The following LRRC61 variants were observed in gnomAD, a reference collection of about 807,000 sequenced individuals.
LRRC61 encodes the protein leucine rich repeat containing 61.
A neutral mutation model predicts 15.1 loss-of-function variants in LRRC61; 9 were observed. The ratio of observed to expected loss-of-function variants is 0.60; its 90% CI spans 0.36 to 1.04. The LOEUF (loss-of-function observed/expected upper bound fraction) is 1.04, where lower values mean the gene tolerates loss of function less well. LRRC61 is among the 50% of genes least tolerant of loss of function. LRRC61 has a pLI of 0.01. For synonymous variants in LRRC61, 173 were observed against 158.6 expected (o/e 1.09, Z -0.68); for missense variants, 344 against 335.6 (o/e 1.03, Z -0.20).
Position 150,336,716 on chromosome 7 carries a change from A to T in LRRC61, c.-144-2A>T. On this transcript the variant is annotated splice_acceptor_variant, in intron 2 of 2. Coordinates refer to ENST00000359623, the MANE Select transcript of LRRC61 (RefSeq NM_001142928.2). LOFTEE classifies it low-confidence loss of function (5UTR_SPLICE). ...GCCTGCTGACTGACTGTCTCTCCTC[A>T]GGGACTGGCTGGCTTCGAGCAGGGC... 1.9e-6 allele frequency: 2 copies of T among 1,068,210 alleles called. No homozygotes were observed. The highest frequency in any genetic ancestry group is 1.3e-6 in the Non-Finnish European group (1 of 744,916). 66.2% of individuals were successfully genotyped at this position (1,068,210 alleles called of 1,614,324 possible).
intron 1 of LRRC61, among the ~76,000 whole-genome samples, chr7:150,324,030 T>A (rs1457634841): frequency 6.6e-6 from 1 of 152,246 alleles, no homozygotes; most frequent in Admixed American, 6.5e-5. Flanking sequence ...AACATCTTGC[T>A]TAGACTTTAT....
chr7:150,313,777 T>A, the LRRC61 span, among the ~76,000 whole-genome samples: 2 of 152,114 alleles, frequency 1.3e-5, no homozygotes, highest in African/African-American at 4.8e-5. Context: ...GTGTTATGGA[T>A]ACACACATAC....
chr7:150,312,613 T>G, the LRRC61 span, among the ~76,000 whole-genome samples: 2 of 152,206 alleles, frequency 1.3e-5, no homozygotes, highest in African/African-American at 4.8e-5. Flanking sequence ...TGGCACCTTG[T>G]TAGCTACATA....
At chr7:150,332,085 A>C (rs1388606407) in intron 2 of LRRC61, 1 of 167,068 alleles carries the variant, frequency 6.0e-6, no homozygotes, top group African/African-American at 2.4e-5. Flanking sequence ...GGCTGGCTGC[A>C]CACCCTGCCT....
Position 150,337,719 on chromosome 7 carries a change from T to A in LRRC61, c.*78T>A, listed in dbSNP as rs1798356709. 5 of 1,426,192 alleles carry A rather than the reference T, an allele frequency of 3.5e-6. No homozygotes were observed. The highest frequency in any genetic ancestry group is 4.7e-6 in the Non-Finnish European group (5 of 1,066,326). 88.3% of individuals were successfully genotyped at this position (1,426,192 alleles called of 1,614,324 possible). On this transcript the variant is annotated 3_prime_UTR_variant, in exon 3 of 3. Transcript: ENST00000359623. ...CCCCTCTCTGCCCCCACACTCGTCT[T>A]AGTTGCTTCACACTGGTCACTGGCC...
the LRRC61 span, among the ~76,000 whole-genome samples, chr7:150,313,213 A>C: frequency 1.3e-5 from 2 of 152,114 alleles, no homozygotes; most frequent in Non-Finnish European, 2.9e-5. Context: ...GCCCACTTGC[A>C]CCCAAGTGAA....
At chr7:150,311,347 G>A in the LRRC61 span, among the ~76,000 whole-genome samples, 1 of 152,140 alleles carries the variant, frequency 6.6e-6, no homozygotes, top group Non-Finnish European at 1.5e-5. Context: ...ACAGTTCTAG[G>A]CTGGCCCTCA....
intron 2 of LRRC61, among the ~76,000 whole-genome samples, chr7:150,334,699 C>G (rs146714798): frequency 6.6e-6 from 1 of 152,330 alleles, no homozygotes; most frequent in Non-Finnish European, 1.5e-5. Flanking sequence ...TCCAACCTGT[C>G]CCACCTGCAT....
chr7:150,318,070 C>T, the LRRC61 span, among the ~76,000 whole-genome samples: 8 of 152,106 alleles, frequency 5.3e-5, no homozygotes, highest in Non-Finnish European at 1.2e-4. Context: ...AGGGGCAATT[C>T]TATAATTGTG....
At chr7:150,324,846 C>T (rs1797893790) in intron 1 of LRRC61, among the ~76,000 whole-genome samples, 1 of 152,170 alleles carries the variant, frequency 6.6e-6, no homozygotes. Context: ...TCCTGCTTCT[C>T]CCCCACTTCC....
At position 150,330,885 on chromosome 7, in the gene LRRC61, C is replaced by T. The variant is rs1457047097; in HGVS notation, c.-145+4875C>T. The T allele has an allele frequency of 6.2e-7, 1 of 1,611,310 alleles. No individual in the cohort carries two copies. The highest frequency in any genetic ancestry group is 1.1e-5 in the South Asian group (1 of 91,022). On this transcript the variant is annotated intron_variant, in intron 2 of 2. Transcript: ENST00000359623. The surrounding 1 kb of genome is among the most constrained non-coding windows in gnomAD (Gnocchi z 4.6). ...GAGCAGCAGCCACTCTGGGGCCTTC[C>T]TGCTGGCCCAGAGGGAGAAGGGCTT...
Position 150,335,490 on chromosome 7 carries a change from G to A in LRRC61, c.-144-1228G>A, listed in dbSNP as rs1011375662. On this transcript the variant is annotated intron_variant, in intron 2 of 2. Coordinates refer to ENST00000359623, the MANE Select transcript of LRRC61 (RefSeq NM_001142928.2). This position sits in a 1 kb window ranked among gnomAD's most constrained non-coding sequence, Gnocchi z 4.3. ...TAGAGGACATAAGGATGGCAAGACC[G>A]TTTACATCCTCGCCAGCTCCCTGGT... 4.6e-5 allele frequency among the ~76,000 whole-genome samples: 7 copies of A among 152,190 alleles called. No homozygotes were observed. The highest frequency in any genetic ancestry group is 7.2e-5 in the African/African-American group (3 of 41,436).
At chr7:150,323,264 C>T (rs1240201993), upstream of LRRC61, 3 of 247,856 alleles carry the variant, frequency 1.2e-5, no homozygotes, top group African/African-American at 7.1e-5. Flanking sequence ...AAGACCCCCG[C>T]AGGCTGCGCT....
upstream of LRRC61, chr7:150,322,675 G>A (rs1396770422): frequency 1.3e-5 from 2 of 152,214 alleles, no homozygotes; most frequent in Non-Finnish European, 2.9e-5. Flanking sequence ...AGTAGCCCTG[G>A]AGCTGCTCTG....
chr7:150,336,372 A>G (rs1187601284), intron 2 of LRRC61, among the ~76,000 whole-genome samples: 1 of 152,218 alleles, frequency 6.6e-6, no homozygotes, highest in Admixed American at 6.5e-5. Context: ...GGTTTAAAAA[A>G]CACCCCAAAA....
rs1318741618 is a variant in LRRC61, at chr7:150,337,742, G to T, written c.*101G>T. ...CTTAGTTGCTTCACACTGGTCACTG[G>T]CCCTGCACACTGGGCTATTGCTTTA... On this transcript the variant is annotated 3_prime_UTR_variant, in exon 3 of 3. Transcript: ENST00000359623. 6.6e-5 allele frequency: 82 copies of T among 1,242,034 alleles called. No homozygotes were observed. The highest frequency in any genetic ancestry group is 6.3e-5 in the Non-Finnish European group (57 of 907,146). The allele number at this position is 1,242,034 out of a possible 1,614,324, so 76.9% of individuals were successfully genotyped here. A position where few individuals can be genotyped will look rare whatever the true frequency, so the allele number is the denominator to read the frequency against.
At position 150,330,428 on chromosome 7, in the gene LRRC61, G is replaced by T; in HGVS notation, c.-145+4418G>T. On this transcript the variant is annotated intron_variant, in intron 2 of 2. Transcript: ENST00000359623. This position sits in a 1 kb window ranked among gnomAD's most constrained non-coding sequence, Gnocchi z 4.6. ...AGATGGTGGTCCGCGAGGCGAGTGC[G>T]GCACAGGCCTCTCTGAGCCAGGTGC... is the stretch of plus-strand genomic sequence containing the variant. 1.3e-6 allele frequency: 1 copy of T among 773,714 alleles called. No homozygotes were observed. The allele number at this position is 773,714 out of a possible 1,614,324, so 47.9% of individuals were successfully genotyped here. A position where few individuals can be genotyped will look rare whatever the true frequency, so the allele number is the denominator to read the frequency against.
intron 2 of LRRC61, among the ~76,000 whole-genome samples, chr7:150,328,144 T>C (rs2129618191): frequency 6.6e-6 from 1 of 152,160 alleles, no homozygotes; most frequent in East Asian, 1.9e-4. Flanking sequence ...GGTATGTAGG[T>C]TTTCTTTTGG....
Position 150,337,668 on chromosome 7 carries a change from G to C in LRRC61, c.*27G>C. 6.6e-7 allele frequency: 1 copy of C among 1,516,272 alleles called. No individual in the cohort carries two copies. The highest frequency in any genetic ancestry group is 8.8e-7 in the Non-Finnish European group (1 of 1,134,978). The allele number at this position is 1,516,272 out of a possible 1,614,324, so 93.9% of individuals were successfully genotyped here. Reference sequence around the variant, plus strand: ...CGTGGCCTATGGCCCAGGACAGCCTGGCAGGTGGCCTCGCTGCCCCCAGTT... The same window carrying C: ...CGTGGCCTATGGCCCAGGACAGCCTCGCAGGTGGCCTCGCTGCCCCCAGTT... On this transcript the variant is annotated 3_prime_UTR_variant, in exon 3 of 3. Coordinates refer to ENST00000359623, the MANE Select transcript of LRRC61 (RefSeq NM_001142928.2).
Sources: gnomAD v4.1 joint callset for allele counts (sites outside exome capture counted in the v4.1 genomes callset) on GRCh38, gnomAD v4.1.1 for gene constraint, Gnocchi (gnomAD v3.1) non-coding constraint, MANE v1.5 for transcripts, NCBI Gene and HGNC (gene_info 2026-07-23, HGNC 2026-07-21) for gene names.